Variants in RBFOX1 observed in about 807,000 individuals in gnomAD.
RBFOX1 encodes the protein RNA binding protein fox-1 homolog 1.
Under a neutral mutation model 57.7 loss-of-function variants are expected in RBFOX1, and 8 were observed. The observed-to-expected ratio is 0.14, with a 90% CI of 0.08 to 0.25. The LOEUF (loss-of-function observed/expected upper bound fraction) is 0.25, where lower values mean the gene tolerates loss of function less well. RBFOX1 is among the 10% of genes least tolerant of loss of function. RBFOX1 has a pLI of 1.00. For missense variants in RBFOX1, 611 were observed against 548.5 expected (o/e 1.11, Z -1.14); for synonymous variants, 326 against 222.4 (o/e 1.47, Z -4.15).
chr16:6,612,682 C>T (rs2098079433), intron 2 of RBFOX1, among the ~76,000 whole-genome samples: 1 of 151,594 alleles, frequency 6.6e-6, no homozygotes, highest in Non-Finnish European at 1.5e-5. Flanking sequence ...CAAAACCCCT[C>T]CTCTACTAAA....
chr16:5,612,076 A>G (rs2047838018), intron 3 of RBFOX1, among the ~76,000 whole-genome samples: 1 of 150,650 alleles, frequency 6.6e-6, no homozygotes, highest in Non-Finnish European at 1.5e-5. Context: ...TCTCCCACCC[A>G]CCTACTCTCC....
At chr16:7,183,165 G>T (rs2083063324) in intron 4 of RBFOX1, among the ~76,000 whole-genome samples, 1 of 152,180 alleles carries the variant, frequency 6.6e-6, no homozygotes, top group African/African-American at 2.4e-5. Context: ...TTGAGGCAGA[G>T]TGGGTTGAGT....
Position 7,556,646 on chromosome 16 carries a change from G to A in RBFOX1, c.271-23131G>A, listed in dbSNP as rs987989053. ...ACATTAGTGGAAAGGCACTGGTTCA[G>A]TTCTAAGACCTTAGTTCTAGGACCC... On this transcript the variant is annotated intron_variant, in intron 5 of 15. Transcript: ENST00000550418. Among the ~76,000 whole-genome samples, 5 of 152,116 alleles carry A rather than the reference G, an allele frequency of 3.3e-5. No individual in the cohort carries two copies. In the East Asian group the frequency reaches 7.7e-4, roughly 24 times the overall value.
At chr16:5,557,209 G>T (rs568231323) in intron 2 of RBFOX1, among the ~76,000 whole-genome samples, 1 of 151,758 alleles carries the variant, frequency 6.6e-6, no homozygotes, top group African/African-American at 2.4e-5. Flanking sequence ...GCAGTGAGCC[G>T]GGATTGCGCC....
At chr16:6,808,874 G>T (rs2087663019) in intron 3 of RBFOX1, among the ~76,000 whole-genome samples, 3 of 152,102 alleles carry the variant, frequency 2.0e-5, no homozygotes, top group Admixed American at 2.0e-4. Flanking sequence ...AACACCTTTA[G>T]CAGGGAACAA....
chr16:7,624,102 A>G (rs941413490), intron 10 of RBFOX1, among the ~76,000 whole-genome samples: 3 of 152,170 alleles, frequency 2.0e-5, no homozygotes, highest in Non-Finnish European at 4.4e-5. Flanking sequence ...TAAAGGACTT[A>G]GTTGTTCTGT....
chr16:5,764,709 T>C (rs1405071479), intron 3 of RBFOX1, among the ~76,000 whole-genome samples: 1 of 152,152 alleles, frequency 6.6e-6, no homozygotes, highest in Non-Finnish European at 1.5e-5. Flanking sequence ...TGGATTTTGG[T>C]CAAAACATAA....
intron 1 of RBFOX1, among the ~76,000 whole-genome samples, chr16:5,396,871 C>G (rs1031329183): frequency 6.6e-6 from 1 of 152,140 alleles, no homozygotes; most frequent in Non-Finnish European, 1.5e-5. Context: ...AAATTGTTAC[C>G]GTGATTTATA....
intron 2 of RBFOX1, among the ~76,000 whole-genome samples, chr16:6,572,590 C>G (rs752326714): frequency 6.6e-6 from 1 of 151,644 alleles, no homozygotes; most frequent in South Asian, 2.1e-4. Flanking sequence ...CATCTTCCCA[C>G]CTTCTCTGTC....
chr16:6,988,702 T>A (rs1236933255), intron 3 of RBFOX1, among the ~76,000 whole-genome samples: 1 of 151,268 alleles, frequency 6.6e-6, no homozygotes, highest in Non-Finnish European at 1.5e-5. Flanking sequence ...GCAGCTGGGA[T>A]TACAGGTGTG....
chr16:5,283,625 G>A (rs533032308), intron 1 of RBFOX1, among the ~76,000 whole-genome samples: 3 of 152,298 alleles, frequency 2.0e-5, no homozygotes, highest in South Asian at 2.1e-4. Context: ...GGAGCTTTGG[G>A]ATTTTACTGC....
At chr16:7,111,947 G>C (rs9926073) in intron 4 of RBFOX1, among the ~76,000 whole-genome samples, 86,872 of 151,858 alleles carry the variant, frequency 0.57, 25,004 homozygotes, top group South Asian at 0.7. Flanking sequence ...AAGCTGACTT[G>C]TCACCCTGAA....
In RBFOX1 at chr16:5,595,167, T is replaced by C. The variant is rs956277511; in HGVS notation, c.259-3735T>C. On this transcript the variant is annotated intron_variant, in intron 2 of 2. Coordinates refer to the RBFOX1 transcript ENST00000585867. ...TCTCAAAAACCACAAAAAAACCATG[T>C]TTCCCCAAAGACATTTCCAAACAGG... Among the ~76,000 whole-genome samples, 142 of 151,898 alleles carry C rather than the reference T, an allele frequency of 9.3e-4. 1 individual carries two copies. Among genetic ancestry groups the C allele is most frequent in the African/African-American group, 3.1e-3 (127 of 41,340 alleles).
At chr16:6,540,460 A>C (rs1030532152) in intron 2 of RBFOX1, among the ~76,000 whole-genome samples, 1 of 151,828 alleles carries the variant, frequency 6.6e-6, no homozygotes, top group Non-Finnish European at 1.5e-5. Flanking sequence ...AAAAATACAA[A>C]AATTAGCCAG....
chr16:5,443,844 G>A (rs2068160708), intron 1 of RBFOX1, among the ~76,000 whole-genome samples: 1 of 152,070 alleles, frequency 6.6e-6, no homozygotes, highest in South Asian at 2.1e-4. Context: ...CCTATTTTTT[G>A]AAAGTCTGGG....
At chr16:6,159,470 G>A (rs1192896687) in intron 1 of RBFOX1, among the ~76,000 whole-genome samples, 1 of 152,154 alleles carries the variant, frequency 6.6e-6, no homozygotes, top group Non-Finnish European at 1.5e-5. Flanking sequence ...ATTCTTTGAG[G>A]ACATTTGTGT....
intron 4 of RBFOX1, among the ~76,000 whole-genome samples, chr16:7,226,271 C>G (rs904377650): frequency 6.6e-6 from 1 of 152,194 alleles, no homozygotes; most frequent in African/African-American, 2.4e-5. Flanking sequence ...AAGGATGAAT[C>G]AGGCCTCTCA....
chr16:6,581,532 A>T (rs977095996), intron 2 of RBFOX1, among the ~76,000 whole-genome samples: 1 of 152,098 alleles, frequency 6.6e-6, no homozygotes, highest in Non-Finnish European at 1.5e-5. Context: ...GGTGAAGCAA[A>T]CCGTAGGTGA....
intron 3 of RBFOX1, among the ~76,000 whole-genome samples, chr16:6,936,990 C>A (rs150504795): frequency 3.7e-3 from 561 of 150,520 alleles, no homozygotes; most frequent in African/African-American, 0.013. Context: ...ATACCTAATG[C>A]TAGATGACGA....
Sources: allele counts gnomAD v4.1 joint callset (sites outside exome capture counted in the v4.1 genomes callset), GRCh38; gene constraint gnomAD v4.1.1; transcripts MANE v1.5; gene names NCBI Gene and HGNC (gene_info 2026-07-23, HGNC 2026-07-21).